TMPRSS15: variants seen among roughly 807,000 people sequenced by gnomAD.
The protein encoded by TMPRSS15 is transmembrane serine protease 15.
In TMPRSS15, 128 loss-of-function variants were observed where a neutral mutation model predicts 125.3. The ratio of observed to expected loss-of-function variants is 1.02; its 90% CI spans 0.89 to 1.18. TMPRSS15 has a LOEUF of 1.18. Ranked by LOEUF, TMPRSS15 falls within the 50% of genes most tolerant of loss-of-function variation. The pLI is 0.00. For synonymous variants in TMPRSS15, 446 were observed against 423.2 expected, an observed-to-expected ratio of 1.05 and a Z score of -0.66; for missense variants, 1,283 against 1,212.7, an observed-to-expected ratio of 1.06 and a Z score of -0.86.
intron 1 of TMPRSS15, among the ~76,000 whole-genome samples, chr21:18,409,039 G>A (rs1357541899): frequency 6.6e-6 from 1 of 152,056 alleles, no homozygotes; most frequent in African/African-American, 2.4e-5. Context: ...TATTCCATGA[G>A]TTCATTCATA....
At position 18,341,548 on chromosome 21, in the gene TMPRSS15, C is replaced by A. The variant is rs1043442555; in HGVS notation, c.1429G>T (p.Val477Phe). The A allele has an allele frequency of 1.2e-6, 2 of 1,613,986 alleles. No homozygotes were observed. Among genetic ancestry groups the A allele is most frequent in the African/African-American group, 1.3e-5 (1 of 75,012 alleles). Residue 477 changes from valine to phenylalanine, a missense_variant and splice_region_variant, in exon 13 of 25, where the codon GTT becomes TTT. Physicochemically the swap from Val to Phe is conservative, Grantham distance 50. Transcript: ENST00000284885. ...VTLNETVKFK[V>F]AFNAFKNKIL... ...TTGTTTTTAAAAGCATTAAAAGCAA[C>A]CTGCAATTCAGAGAGGCATATGAAA...
intron 1 of TMPRSS15, among the ~76,000 whole-genome samples, chr21:18,440,372 C>CAAAAAAAAAAAAAAAAAAAAAAAAA (rs539968323): frequency 6.3e-5 from 3 of 47,430 alleles, no homozygotes; most frequent in African/African-American, 1.7e-4. Context: ...AACTCCGTCT[C>CAAAAAAAAAAAAAAAAAAAAAAAAA]AAAAAAAAAA....
At chr21:18,315,851 A>G (rs1159831014) in intron 16 of TMPRSS15, among the ~76,000 whole-genome samples, 1 of 147,140 alleles carries the variant, frequency 6.8e-6, no homozygotes, top group East Asian at 2.0e-4. Context: ...AATAAAATAT[A>G]TATATATATA....
intron 1 of TMPRSS15, among the ~76,000 whole-genome samples, chr21:18,456,651 GA>G (rs2123266195): frequency 6.6e-6 from 1 of 152,092 alleles, no homozygotes; most frequent in South Asian, 2.1e-4. Context: ...AAGCTAGTTA[GA>G]ATTGTTAATT....
chr21:18,309,658 G>A (rs1051155618), intron 18 of TMPRSS15, among the ~76,000 whole-genome samples: 2 of 152,104 alleles, frequency 1.3e-5, no homozygotes, highest in African/African-American at 4.8e-5. Context: ...CATTTATGCA[G>A]CCAACAAATA....
chr21:18,338,945 G>T (rs1170337046), intron 13 of TMPRSS15, among the ~76,000 whole-genome samples: 1 of 151,814 alleles, frequency 6.6e-6, no homozygotes, highest in African/African-American at 2.4e-5. Flanking sequence ...TCCATTTTAT[G>T]AGTATCATTC....
chr21:18,421,025 A>G lies in TMPRSS15; in HGVS notation c.11-22696T>C, dbSNP rs942855557. Among the ~76,000 whole-genome samples the G allele has an allele frequency of 4.6e-5, 7 of 152,160 alleles. No homozygotes were observed. The South Asian group carries it at 1.0e-3, about 23-fold the overall frequency. ...TGACTTATATGTACACTACATTTCT[A>G]AAAAGGGAGAGCTTGGAGAAACTAA... On this transcript the variant is annotated intron_variant, in intron 1 of 7. Transcript: ENST00000422787.
At chr21:18,467,742 C>A (rs1978696110) in intron 1 of TMPRSS15, among the ~76,000 whole-genome samples, 1 of 152,012 alleles carries the variant, frequency 6.6e-6, no homozygotes, top group Non-Finnish European at 1.5e-5. Context: ...GAGCTAGAAC[C>A]AGGGACCTAA....
chr21:18,407,448 C>CTTTTT (rs201740388), upstream of TMPRSS15, among the ~76,000 whole-genome samples: 168 of 133,126 alleles, frequency 1.3e-3, no homozygotes, highest in Non-Finnish European at 1.9e-3. Context: ...TTTTTCTTTT[C>CTTTTT]TTTTTTTTTT....
At chr21:18,298,925 C>T (rs1002885756) in intron 18 of TMPRSS15, among the ~76,000 whole-genome samples, 7 of 152,202 alleles carry the variant, frequency 4.6e-5, no homozygotes, top group Admixed American at 2.6e-4. Context: ...AGTGGTTCTT[C>T]TCTCTTTTAA....
At chr21:18,400,949 A>G (rs1013456561) in intron 1 of TMPRSS15, among the ~76,000 whole-genome samples, 2 of 152,216 alleles carry the variant, frequency 1.3e-5, no homozygotes, top group Non-Finnish European at 2.9e-5. Flanking sequence ...AAAAAAAGAC[A>G]TACAAGTGGC....
chr21:18,289,870 T>C (rs1419435193), intron 21 of TMPRSS15, among the ~76,000 whole-genome samples: 1 of 152,196 alleles, frequency 6.6e-6, no homozygotes, highest in Non-Finnish European at 1.5e-5. Flanking sequence ...TTTTGGGTGA[T>C]TGGAATGTTT....
At chr21:18,309,812 C>T (rs1171779220) in intron 18 of TMPRSS15, among the ~76,000 whole-genome samples, 6 of 152,176 alleles carry the variant, frequency 3.9e-5, no homozygotes, top group East Asian at 1.9e-4. Context: ...GAAATAGGAA[C>T]GCTTTTACAC....
In TMPRSS15 at chr21:18,269,174, T is replaced by C. The variant is rs1354698126; in HGVS notation, c.*795A>G. The C allele has an allele frequency of 2.6e-5, 4 of 152,194 alleles. No individual in the cohort carries two copies. Among genetic ancestry groups the C allele is most frequent in the African/African-American group, 9.7e-5 (4 of 41,446 alleles). The allele number at this position is 152,194 out of a possible 1,614,324, so 9.4% of individuals were successfully genotyped here. A position where few individuals can be genotyped will look rare whatever the true frequency, so the allele number is the denominator to read the frequency against. ...TTCTCATGGGTGATTCAGCTGTGTC[T>C]AAATAAGTTTTCATATATTAGAAAT... On this transcript the variant is annotated 3_prime_UTR_variant, in exon 25 of 25. Coordinates refer to ENST00000284885, the MANE Select transcript of TMPRSS15 (RefSeq NM_002772.3).
At chr21:18,332,557 C>G (rs1427639169) in intron 13 of TMPRSS15, among the ~76,000 whole-genome samples, 2 of 151,968 alleles carry the variant, frequency 1.3e-5, no homozygotes, top group Non-Finnish European at 2.9e-5. Context: ...CCATCTGACA[C>G]CAGTCAGAAT....
At chr21:18,315,441 AATAACAAACC>A (rs1569002410) in intron 16 of TMPRSS15, among the ~76,000 whole-genome samples, 185 bp from the exon 17 acceptor site, 295 of 112,628 alleles carry the variant, frequency 2.6e-3, no homozygotes, top group Non-Finnish European at 3.9e-3. Context: ...ATGTATACAC[AATAACAAACC>A]TGCACGTTGT....
chr21:18,340,125 T>C (rs1192889573), intron 13 of TMPRSS15, among the ~76,000 whole-genome samples: 1 of 152,142 alleles, frequency 6.6e-6, no homozygotes, highest in African/African-American at 2.4e-5. Flanking sequence ...ATGAGGGTGT[T>C]GCCAAAGAAG....
chr21:18,394,776 T>C (rs2076019798), intron 3 of TMPRSS15, among the ~76,000 whole-genome samples: 1 of 152,134 alleles, frequency 6.6e-6, no homozygotes, highest in Admixed American at 6.5e-5. Context: ...AAGCCCCTTA[T>C]AGACTTCTGG....
intron 2 of TMPRSS15, 84 bp downstream of exon 2, chr21:18,398,115 A>C: frequency 1.3e-6 from 2 of 1,493,450 alleles, no homozygotes; most frequent in Admixed American, 1.7e-5. Context: ...TTTATTCTCT[A>C]GTTGTTTCAC....
Sources: allele counts gnomAD v4.1 joint callset (sites outside exome capture counted in the v4.1 genomes callset), GRCh38; gene constraint gnomAD v4.1.1; transcripts MANE v1.5; gene names NCBI Gene and HGNC (gene_info 2026-07-23, HGNC 2026-07-21).